The following MAEA variants were observed in gnomAD, a reference collection of about 807,000 sequenced individuals.
MAEA encodes the protein macrophage erythroblast attacher, E3 ubiquitin ligase.
MAEA carries 22 observed loss-of-function variants against 46.2 expected under a neutral mutation model. The observed-to-expected ratio is 0.48, with a 90% confidence interval of 0.34 to 0.68. MAEA has a LOEUF of 0.68. MAEA is among the 30% of genes least tolerant of loss of function. MAEA has a pLI of 0.01. For synonymous variants in MAEA, 246 were observed against 222.6 expected, an observed-to-expected ratio of 1.11 and a Z score of -0.94; for missense variants, 393 against 558.1, an observed-to-expected ratio of 0.70 and a Z score of 2.98.
intron 1 of MAEA, among the ~76,000 whole-genome samples, chr4:1,300,380 A>T (rs1294674951): frequency 1.3e-5 from 2 of 152,264 alleles, no homozygotes; most frequent in Non-Finnish European, 2.9e-5. Flanking sequence ...CACCACAGCC[A>T]GGTATGTAAC....
At chr4:1,338,935 TG>T in intron 8 of MAEA, 138 bp from the exon 9 acceptor site, 1 of 740,888 alleles carries the variant, frequency 1.3e-6, no homozygotes, top group South Asian at 1.7e-5. Flanking sequence ...GGGATTTCTT[TG>T]GCAGGTGTGC....
At chr4:1,330,526 A>T (rs113457581) in intron 5 of MAEA, 1 of 121,004 alleles carries the variant, frequency 8.3e-6, no homozygotes, top group East Asian at 2.1e-4. Flanking sequence ...CATGTTGGCC[A>T]GGCTGGTCTC....
intron 7 of MAEA, 193 bp downstream of exon 7, chr4:1,337,187 C>G (rs28418481): frequency 0.22 from 142,829 of 635,674 alleles, 20,673 homozygotes; most frequent in African/African-American, 0.51. Flanking sequence ...ATGCGTCGTG[C>G]AGCCTTCACT....
intron 5 of MAEA, chr4:1,330,601 C>A (rs1711643945): frequency 6.6e-6 from 1 of 152,198 alleles, no homozygotes; most frequent in Non-Finnish European, 1.5e-5. Context: ...AGGCGTGAGC[C>A]ACCGTGCCTG....
At chr4:1,305,354 C>T (rs139159737) in intron 1 of MAEA, among the ~76,000 whole-genome samples, 44 of 152,304 alleles carry the variant, frequency 2.9e-4, no homozygotes, top group African/African-American at 7.7e-4. Flanking sequence ...TGCTGTGCCC[C>T]GCTGCTTCCA....
At chr4:1,294,488 A>G (rs1353598717) in intron 1 of MAEA, among the ~76,000 whole-genome samples, 1 of 152,176 alleles carries the variant, frequency 6.6e-6, no homozygotes, top group Non-Finnish European at 1.5e-5. Context: ...GGTTGGAGGC[A>G]GTACTGACGT....
intron 1 of MAEA, among the ~76,000 whole-genome samples, chr4:1,299,027 G>T (rs535970896): frequency 2.6e-5 from 4 of 152,156 alleles, no homozygotes; most frequent in South Asian, 4.1e-4. Context: ...GACCACGGGC[G>T]CCTGCTTCCG....
chr4:1,336,457 A>G (rs1200613343), intron 6 of MAEA, among the ~76,000 whole-genome samples: 1 of 151,940 alleles, frequency 6.6e-6, no homozygotes, highest in Admixed American at 6.6e-5. Context: ...TGTTAAAATC[A>G]GAGTTAAGTC....
In MAEA at chr4:1,295,813, CCCTCACCCACGCCTGTGCCCT is replaced by C. The variant is rs1229761582; in HGVS notation, c.69+5841_69+5861del. 3.8e-3 allele frequency among the ~76,000 whole-genome samples: 385 copies of C among 101,194 alleles called. 4 individuals carry two copies. The highest frequency in any genetic ancestry group is 0.025 in the East Asian group (55 of 2,216). The allele number at this position is 101,194 out of a possible 152,430, so 66.4% of individuals were successfully genotyped here. A position where few individuals can be genotyped will look rare whatever the true frequency, so the allele number is the denominator to read the frequency against. ...TGCCCCCCTCCCCAGCGCCTGTGCC[CCCTCACCCACGCCTGTGCCCT>C]CCTCACCCATGCCGGTGCCCACCAC... is the stretch of plus-strand genomic sequence containing the variant. On this transcript the variant is annotated intron_variant, in intron 1 of 8. Transcript: ENST00000303400.
At chr4:1,322,971 T>TTG in intron 4 of MAEA, among the ~76,000 whole-genome samples, 1 of 144,244 alleles carries the variant, frequency 6.9e-6, no homozygotes, top group Non-Finnish European at 1.5e-5. Flanking sequence ...TTTTTTTTTT[T>TTG]TTGAGACGGA....
intron 1 of MAEA, among the ~76,000 whole-genome samples, chr4:1,294,449 A>G (rs1318428928): frequency 2.6e-5 from 4 of 152,106 alleles, no homozygotes; most frequent in African/African-American, 9.7e-5. Context: ...GTGCTTTTTA[A>G]TGCCTGATTC....
In MAEA at chr4:1,311,279, G is replaced by A. The variant is rs1038849174; in HGVS notation, c.70-700G>A. On this transcript the variant is annotated intron_variant, in intron 1 of 8. Transcript: ENST00000303400. The surrounding 1 kb of genome is among the most constrained non-coding windows in gnomAD (Gnocchi z 4.4). ...CACGGAGGCCGGGGAGCGCTGGGGC[G>A]TGATTCTGTCGTGCCGCTTTCAAAC... Among the ~76,000 whole-genome samples, 30 of 152,362 alleles carry A rather than the reference G, an allele frequency of 2.0e-4. No homozygotes were observed. The highest frequency in any genetic ancestry group is 8.3e-4 in the South Asian group (4 of 4,830).
At chr4:1,300,778 C>A (rs747952262) in intron 1 of MAEA, among the ~76,000 whole-genome samples, 2 of 152,244 alleles carry the variant, frequency 1.3e-5, no homozygotes, top group Non-Finnish European at 2.9e-5. Context: ...CTTGCCACTG[C>A]GAGCTTTGTA....
intron 1 of MAEA, among the ~76,000 whole-genome samples, chr4:1,293,678 C>T (rs1279467858): frequency 6.6e-6 from 1 of 152,220 alleles, no homozygotes; most frequent in Non-Finnish European, 1.5e-5. Context: ...CCAGTGAGTC[C>T]TCTCACACCC....
chr4:1,322,148 A>G (rs568181873), intron 3 of MAEA, among the ~76,000 whole-genome samples: 2 of 152,182 alleles, frequency 1.3e-5, no homozygotes, highest in South Asian at 2.1e-4. Flanking sequence ...TTGCCCGGCT[A>G]TGGCTGCTGT....
intron 1 of MAEA, among the ~76,000 whole-genome samples, chr4:1,304,554 C>T (rs908122350): frequency 1.2e-4 from 19 of 152,196 alleles, no homozygotes; most frequent in African/African-American, 4.6e-4. Context: ...CATTCTCCTG[C>T]CTCAGCCTCC....
intron 1 of MAEA, among the ~76,000 whole-genome samples, chr4:1,301,114 G>A (rs1255790227): frequency 2.0e-5 from 3 of 152,240 alleles, no homozygotes; most frequent in Admixed American, 1.3e-4. Flanking sequence ...AGAGCCTCAT[G>A]CATTGGGGAA....
At chr4:1,292,394 A>G (rs944474779) in intron 1 of MAEA, among the ~76,000 whole-genome samples, 13 of 152,132 alleles carry the variant, frequency 8.5e-5, no homozygotes, top group Admixed American at 1.3e-4. Context: ...GGTGCCTGGC[A>G]GGTACTTATT....
chr4:1,311,863 C>A lies in MAEA; in HGVS notation c.70-116C>A. On this transcript the variant is annotated intron_variant, in intron 1 of 8. Transcript: ENST00000303400. This position sits in a 1 kb window ranked among gnomAD's most constrained non-coding sequence, Gnocchi z 4.4. ...AGTAGATACTTTTGAGACCATGAAC[C>A]TTCTGAGACTTCTGCCTCTACAAGT... 1 of 887,268 alleles carries A rather than the reference C, an allele frequency of 1.1e-6. No individual in the cohort carries two copies. The highest frequency in any genetic ancestry group is 1.7e-6 in the Non-Finnish European group (1 of 574,082). 55.0% of individuals were successfully genotyped at this position (887,268 alleles called of 1,614,324 possible).
Sources: allele counts gnomAD v4.1 joint callset (sites outside exome capture counted in the v4.1 genomes callset), GRCh38; gene constraint gnomAD v4.1.1; non-coding constraint Gnocchi (gnomAD v3.1); transcripts MANE v1.5; gene names NCBI Gene and HGNC (gene_info 2026-07-23, HGNC 2026-07-21).